The following GPC5 variants were observed in gnomAD, a reference collection of about 807,000 sequenced individuals.
The protein encoded by GPC5 is glypican 5, also known as glypican-5.
GPC5 carries 47 observed loss-of-function variants against 53.9 expected under a neutral mutation model. The ratio of observed to expected loss-of-function variants is 0.87; its 90% CI spans 0.69 to 1.11. The LOEUF (loss-of-function observed/expected upper bound fraction) is 1.11. Among genes scored for constraint, GPC5 ranks in the 50% most tolerant of loss-of-function variants. The pLI, the probability that GPC5 is intolerant of heterozygous loss-of-function variation, is 0.00. For synonymous variants in GPC5, 286 were observed against 263.3 expected (o/e 1.09, Z -0.84); for missense variants, 748 against 713.1 (o/e 1.05, Z -0.56).
chr13:92,672,662 G>C (rs897851644), intron 7 of GPC5, among the ~76,000 whole-genome samples: 4 of 152,124 alleles, frequency 2.6e-5, no homozygotes, highest in Admixed American at 2.6e-4. Flanking sequence ...ACTGGATCAA[G>C]AAAATGTGGT....
intron 1 of GPC5, among the ~76,000 whole-genome samples, chr13:91,414,052 C>G (rs550667065): frequency 2.6e-5 from 4 of 152,120 alleles, no homozygotes; most frequent in African/African-American, 9.7e-5. Flanking sequence ...GAAGCCATTT[C>G]CCCCACTGCC....
intron 6 of GPC5, among the ~76,000 whole-genome samples, chr13:91,979,750 T>C (rs1167164657): frequency 6.6e-6 from 1 of 152,232 alleles, no homozygotes; most frequent in East Asian, 1.9e-4. Context: ...ATGTCACATA[T>C]TCTTTACACT....
In GPC5 at chr13:91,503,758, G is replaced by A. The variant is rs180906758; in HGVS notation, c.325+54836G>A. On this transcript the variant is annotated intron_variant, in intron 2 of 7. Coordinates refer to ENST00000377067, the MANE Select transcript of GPC5 (RefSeq NM_004466.6). Reference sequence around the variant, plus strand: ...TCATACCATTGCACTCCAGCCTGGGGACAGAGTGAGACTCTGTCTCAAAAT... The same window carrying A: ...TCATACCATTGCACTCCAGCCTGGGAACAGAGTGAGACTCTGTCTCAAAAT... Among the ~76,000 whole-genome samples, 316 of 143,942 alleles carry A rather than the reference G, an allele frequency of 2.2e-3. 5 individuals carry two copies. The highest frequency in any genetic ancestry group is 9.7e-3 in the East Asian group (47 of 4,850). 94.4% of individuals were successfully genotyped at this position (143,942 alleles called of 152,430 possible).
intron 7 of GPC5, among the ~76,000 whole-genome samples, chr13:92,613,608 ATTTT>A (rs1884571124): frequency 8.2e-6 from 1 of 122,196 alleles, no homozygotes; most frequent in South Asian, 2.3e-4. Flanking sequence ...TATTATATTT[ATTTT>A]ATTATTTTAT....
intron 6 of GPC5, among the ~76,000 whole-genome samples, chr13:92,004,460 A>ATATATATATATATATATATC: frequency 3.3e-5 from 1 of 30,364 alleles, no homozygotes; most frequent in Admixed American, 3.3e-4. Flanking sequence ...AAAAAAAATT[A>ATATATATATATATATATATC]TATATATATA....
rs1362710577 is a variant in GPC5 at position 92,260,807 on chromosome 13, AT to A, written c.1561+115821del. Among the ~76,000 whole-genome samples the A allele has an allele frequency of 7.2e-5, 11 of 152,244 alleles. 1 individual carries two copies. In the Middle Eastern group the frequency reaches 0.017, roughly 235 times the overall value. On this transcript the variant is annotated intron_variant, in intron 7 of 7. Transcript: ENST00000377067. ...ATCTCTATTCCTGTCTTATTACTTGATTTAATTAACATGAGAATTGAAAAAC... is the reference window on the plus strand; with the variant it reads ...ATCTCTATTCCTGTCTTATTACTTGATTAATTAACATGAGAATTGAAAAAC...
chr13:92,305,609 C>A lies in GPC5; in HGVS notation c.1561+160620C>A, dbSNP rs751287172. On this transcript the variant is annotated intron_variant, in intron 7 of 7. Transcript: ENST00000377067. ...AACATCATGAAAAAAAATTCCAAAGCAAATCTATCATATTAAATGTATGTC... is the reference window on the plus strand; with the variant it reads ...AACATCATGAAAAAAAATTCCAAAGAAAATCTATCATATTAAATGTATGTC... Among the ~76,000 whole-genome samples the A allele has an allele frequency of 6.4e-4, 97 of 152,088 alleles. 1 individual carries two copies. The highest frequency in any genetic ancestry group is 7.9e-4 in the Non-Finnish European group (54 of 68,004).
At position 92,812,108 on chromosome 13, in the gene GPC5, T is replaced by G. The variant is rs2138799714; in HGVS notation, c.1562-54174T>G. ...ATCTGAATTTCAGGATCAGATTTTC[T>G]ATTTCTTCAAAAATCAAAAAAGGTT... On this transcript the variant is annotated intron_variant, in intron 7 of 7. Transcript: ENST00000377067. Among the ~76,000 whole-genome samples the G allele has an allele frequency of 1.3e-5, 2 of 152,096 alleles. 1 individual carries two copies. Among genetic ancestry groups the G allele is most frequent in the African/African-American group, 4.8e-5 (2 of 41,408 alleles).
Position 91,693,504 on chromosome 13 carries a change from A to T in GPC5, c.643A>T (p.Met215Leu). Residue 215 changes from methionine to leucine, a missense_variant, in exon 3 of 8, where the codon ATG becomes TTG. Met to Leu is a conservative substitution (Grantham distance 15, BLOSUM62 2). Coordinates refer to ENST00000377067, the MANE Select transcript of GPC5 (RefSeq NM_004466.6). ...GNIPQRVMGQ[M>L]GRSLLPSRTF... ...TATTCCCCAAAGAGTAATGGGACAG[A>T]TGGGGAGGTCCCTGCTGCCCAGCCG... 1 of 1,614,072 alleles carries T rather than the reference A, an allele frequency of 6.2e-7. No homozygotes were observed. The highest frequency in any genetic ancestry group is 1.1e-5 in the South Asian group (1 of 91,066).
chr13:92,412,417 G>A (rs553059590), intron 7 of GPC5, among the ~76,000 whole-genome samples: 6 of 152,180 alleles, frequency 3.9e-5, no homozygotes, highest in South Asian at 4.1e-4. Flanking sequence ...AAATGATATC[G>A]TGTGTTCAGT....
chr13:91,589,885 TA>T (rs2032733393), intron 2 of GPC5, among the ~76,000 whole-genome samples: 1 of 152,176 alleles, frequency 6.6e-6, no homozygotes, highest in African/African-American at 2.4e-5. Flanking sequence ...GCTAAATTTT[TA>T]ACTATGGGTA....
At chr13:91,722,725 C>G (rs2036499873) in intron 3 of GPC5, among the ~76,000 whole-genome samples, 1 of 152,122 alleles carries the variant, frequency 6.6e-6, no homozygotes, top group African/African-American at 2.4e-5. Context: ...TTGTGGAAAA[C>G]TGAAAGGATC....
intron 7 of GPC5, among the ~76,000 whole-genome samples, chr13:92,785,780 G>T (rs1384267972): frequency 6.6e-6 from 1 of 152,170 alleles, no homozygotes; most frequent in East Asian, 1.9e-4. Flanking sequence ...AATTTACTGT[G>T]TAAATTTGGA....
intron 7 of GPC5, among the ~76,000 whole-genome samples, chr13:92,625,583 G>A (rs143574638): frequency 7.4e-4 from 112 of 152,322 alleles, no homozygotes; most frequent in South Asian, 3.5e-3. Flanking sequence ...GCAATTTGCT[G>A]CTGAGCCTTC....
intron 1 of GPC5, among the ~76,000 whole-genome samples, chr13:91,417,120 T>C (rs1566376819): frequency 1.3e-5 from 2 of 152,048 alleles, no homozygotes; most frequent in Non-Finnish European, 2.9e-5. Context: ...GAGGGAGAAA[T>C]AAGAGTCTAG....
At chr13:92,381,897 A>ATATCAGAT (rs1218262542) in intron 7 of GPC5, among the ~76,000 whole-genome samples, 1 of 101,336 alleles carries the variant, frequency 9.9e-6, no homozygotes, top group Non-Finnish European at 2.0e-5. Context: ...TATTATATAT[A>ATATCAGAT]ATCATATATA....
chr13:92,298,190 C>A (rs1413834137), intron 7 of GPC5, among the ~76,000 whole-genome samples: 1 of 152,126 alleles, frequency 6.6e-6, no homozygotes, highest in Non-Finnish European at 1.5e-5. Flanking sequence ...CCCACAGCAC[C>A]CAGTCTGTTT....
intron 2 of GPC5, among the ~76,000 whole-genome samples, chr13:91,652,460 CT>C (rs1234400841): frequency 4.6e-5 from 7 of 152,124 alleles, no homozygotes; most frequent in Non-Finnish European, 7.3e-5. Flanking sequence ...TACTCTTTCA[CT>C]TTGGAGCTAT....
chr13:92,080,315 G>A (rs2041285227), intron 6 of GPC5, among the ~76,000 whole-genome samples: 1 of 152,116 alleles, frequency 6.6e-6, no homozygotes, highest in Non-Finnish European at 1.5e-5. Context: ...CTACCTGAGT[G>A]CTGATGGCTT....
Sources: allele counts gnomAD v4.1 joint callset (sites outside exome capture counted in the v4.1 genomes callset), GRCh38; gene constraint gnomAD v4.1.1; transcripts MANE v1.5; gene names NCBI Gene and HGNC (gene_info 2026-07-23, HGNC 2026-07-21).